CAMK1D: variants seen among roughly 807,000 people sequenced by gnomAD.
The protein encoded by CAMK1D is calcium/calmodulin-dependent protein kinase type 1D.
In CAMK1D, 9 loss-of-function variants were observed where a neutral mutation model predicts 47.7. That is an observed-to-expected ratio of 0.19 (90% CI 0.11 to 0.33). The LOEUF (loss-of-function observed/expected upper bound fraction) is 0.33. Among genes scored for constraint, CAMK1D ranks in the 10% least tolerant of loss-of-function variants. CAMK1D has a pLI of 1.00. For missense variants in CAMK1D, 291 were observed against 488.7 expected (o/e 0.60, Z 3.81); for synonymous variants, 184 against 184.9 (o/e 0.99, Z 0.04).
chr10:12,576,726 G>C (rs1837499191), intron 2 of CAMK1D, among the ~76,000 whole-genome samples: 1 of 152,214 alleles, frequency 6.6e-6, no homozygotes, highest in Admixed American at 6.5e-5. Flanking sequence ...GCTCAGGCGG[G>C]AATGCTCACT....
intron 3 of CAMK1D, among the ~76,000 whole-genome samples, chr10:12,709,252 A>G (rs1833844756): frequency 6.6e-6 from 1 of 152,116 alleles, no homozygotes; most frequent in African/African-American, 2.4e-5. Context: ...GCTTGTAAAG[A>G]TGGAATACAT....
chr10:12,771,772 G>A (rs1265172243), intron 5 of CAMK1D, among the ~76,000 whole-genome samples: 3 of 152,236 alleles, frequency 2.0e-5, no homozygotes, highest in African/African-American at 4.8e-5. Flanking sequence ...AGTGGCTCAC[G>A]CCTGTAATCC....
intron 8 of CAMK1D, among the ~76,000 whole-genome samples, chr10:12,823,332 A>G (rs907685576): frequency 6.6e-6 from 1 of 152,166 alleles, no homozygotes; most frequent in Non-Finnish European, 1.5e-5. Context: ...TTTCTTAGCC[A>G]TCAGATAGTA....
At chr10:12,741,649 C>G (rs56690801) in intron 3 of CAMK1D, among the ~76,000 whole-genome samples, 1 of 152,070 alleles carries the variant, frequency 6.6e-6, no homozygotes, top group Non-Finnish European at 1.5e-5. Flanking sequence ...TGTCTTAGGT[C>G]GGTTTCCCTG....
chr10:12,349,776 C>G lies in CAMK1D; in HGVS notation c.-43C>G, dbSNP rs1837293203. On this transcript the variant is annotated 5_prime_UTR_variant, in exon 1 of 11. Coordinates refer to ENST00000619168, the MANE Select transcript of CAMK1D (RefSeq NM_153498.4). ...GCGCCGCGCCCCCGGCGCCCCCTCC[C>G]CAGCGCGCCCCCGGCCGCTCCTCCG... 4 of 1,105,916 alleles carry G rather than the reference C, an allele frequency of 3.6e-6. No individual in the cohort carries two copies. Among genetic ancestry groups the G allele is most frequent in the Admixed American group, 3.4e-5 (1 of 29,730 alleles). The allele number at this position is 1,105,916 out of a possible 1,614,324, so 68.5% of individuals were successfully genotyped here.
intron 1 of CAMK1D, among the ~76,000 whole-genome samples, chr10:12,551,525 C>G (rs1029413400): frequency 1.3e-5 from 2 of 152,074 alleles, no homozygotes; most frequent in South Asian, 4.1e-4. Flanking sequence ...GAGGTCGAGG[C>G]GAGTGAATCA....
chr10:12,760,511 C>CA (rs1836451965), intron 3 of CAMK1D: 1 of 158,634 alleles, frequency 6.3e-6, no homozygotes, highest in African/African-American at 2.4e-5. Flanking sequence ...AGAACTTGGT[C>CA]AAAAACCCAC....
chr10:12,703,864 G>A (rs11257947), intron 3 of CAMK1D, among the ~76,000 whole-genome samples: 5,203 of 145,202 alleles, frequency 0.036, 286 homozygotes, highest in African/African-American at 0.12. Flanking sequence ...TCGAGACTCC[G>A]TCTCAAAAAA....
At chr10:12,516,235 A>C (rs1197631001) in intron 1 of CAMK1D, among the ~76,000 whole-genome samples, 1 of 152,078 alleles carries the variant, frequency 6.6e-6, no homozygotes, top group Non-Finnish European at 1.5e-5. Flanking sequence ...CAGCCTCCTG[A>C]GTAGCTGGGA....
chr10:12,354,563 C>T (rs1219640803), intron 1 of CAMK1D, among the ~76,000 whole-genome samples: 1 of 97,776 alleles, frequency 1.0e-5, no homozygotes, highest in Non-Finnish European at 2.5e-5. Context: ...GTAGCACCAC[C>T]ACACCCGGCT....
At chr10:12,822,938 C>T (rs1340321683) in intron 8 of CAMK1D, among the ~76,000 whole-genome samples, 2 of 152,166 alleles carry the variant, frequency 1.3e-5, no homozygotes, top group African/African-American at 4.8e-5. Flanking sequence ...GAGATATTTC[C>T]TGCACGTCCC....
At position 12,445,901 on chromosome 10, in the gene CAMK1D, GT is replaced by G. The variant is rs375617019; in HGVS notation, c.92+95999del. Among the ~76,000 whole-genome samples the G allele has an allele frequency of 8.6e-3, 1,305 of 151,864 alleles. 14 individuals carry two copies. The highest frequency in any genetic ancestry group is 0.03 in the African/African-American group (1,244 of 41,430). ...TCATAGCAGATATAGACATGTTGGC[GT>G]TTTTTTTCTGAATGTCAAATGCTAA... On this transcript the variant is annotated intron_variant, in intron 1 of 10. Coordinates refer to ENST00000619168, the MANE Select transcript of CAMK1D (RefSeq NM_153498.4).
intron 5 of CAMK1D, 22 bp downstream of exon 5, chr10:12,769,821 A>G: frequency 1.2e-6 from 2 of 1,613,354 alleles, no homozygotes; most frequent in African/African-American, 1.3e-5. Flanking sequence ...GCATGTGCAC[A>G]CATGTGCCCG....
chr10:12,769,529 C>T, intron 4 of CAMK1D, 144 bp from the exon 5 acceptor site: 1 of 799,410 alleles, frequency 1.3e-6, no homozygotes, highest in Non-Finnish European at 2.0e-6. Flanking sequence ...TTCTATTGGC[C>T]GCCGCTTTAG....
rs957935268 is a variant in CAMK1D, at chr10:12,831,313, G to A, written c.*2426G>A. 1 of 152,196 alleles carries A rather than the reference G, an allele frequency of 6.6e-6. No individual in the cohort carries two copies. Among genetic ancestry groups the A allele is most frequent in the Non-Finnish European group, 1.5e-5 (1 of 68,062 alleles). 9.4% of individuals were successfully genotyped at this position (152,196 alleles called of 1,614,324 possible). ...TAAGAAGTGTCTTGGAAACATTCGA[G>A]TTCATACAGTGCATGACAAAGTAAT... On this transcript the variant is annotated 3_prime_UTR_variant, in exon 11 of 11. Coordinates refer to ENST00000619168, the MANE Select transcript of CAMK1D (RefSeq NM_153498.4).
intron 3 of CAMK1D, among the ~76,000 whole-genome samples, chr10:12,757,209 C>G (rs1353534979): frequency 6.6e-6 from 1 of 152,108 alleles, no homozygotes; most frequent in Non-Finnish European, 1.5e-5. Context: ...TAGCTCACTG[C>G]AGCCTCAGCC....
intron 1 of CAMK1D, among the ~76,000 whole-genome samples, chr10:12,364,119 A>G (rs1422222177): frequency 6.6e-6 from 1 of 152,102 alleles, no homozygotes; most frequent in African/African-American, 2.4e-5. Flanking sequence ...AGCAGCAATT[A>G]CTGACCTCAT....
intron 3 of CAMK1D, among the ~76,000 whole-genome samples, chr10:12,706,994 T>C (rs1045623856): frequency 6.6e-6 from 1 of 152,142 alleles, no homozygotes; most frequent in African/African-American, 2.4e-5. Context: ...ACGGACAAAC[T>C]GTGCGGTTTG....
intron 2 of CAMK1D, among the ~76,000 whole-genome samples, chr10:12,602,235 T>C (rs894239269): frequency 5.9e-5 from 9 of 152,228 alleles, no homozygotes; most frequent in African/African-American, 1.9e-4. Flanking sequence ...TTTATCTGTT[T>C]ATTCATTTTT....
Sources: allele counts gnomAD v4.1 joint callset (sites outside exome capture counted in the v4.1 genomes callset), GRCh38; gene constraint gnomAD v4.1.1; transcripts MANE v1.5; gene names NCBI Gene and HGNC (gene_info 2026-07-23, HGNC 2026-07-21).